CNKSR2: variants seen among roughly 807,000 people sequenced by gnomAD.
CNKSR2 encodes connector enhancer of kinase suppressor of Ras 2, also known as CNK homolog protein 2.
Under a neutral mutation model 84.4 loss-of-function variants are expected in CNKSR2, and 14 were observed. The ratio of observed to expected loss-of-function variants is 0.17; its 90% CI spans 0.11 to 0.26. The LOEUF (loss-of-function observed/expected upper bound fraction) is 0.26. Ranked by LOEUF, CNKSR2 falls within the 10% of genes least tolerant of loss-of-function variation. The pLI is 1.00. For missense variants in CNKSR2, 485 were observed against 771.2 expected, an observed-to-expected ratio of 0.63 and a Z score of 4.40; for synonymous variants, 275 against 277.9, an observed-to-expected ratio of 0.99 and a Z score of 0.10.
At position 21,653,735 on chromosome X, in the gene CNKSR2, T is replaced by A. The variant is rs2092725871; in HGVS notation, c.*1214T>A. On this transcript the variant is annotated 3_prime_UTR_variant, in exon 22 of 22. Coordinates refer to ENST00000379510, the MANE Select transcript of CNKSR2 (RefSeq NM_014927.5). ...AGTCCTCTTCATATATTTCCATTTA[T>A]AAGCGTCTTGTTTTTGAAAGTGATC... is the stretch of plus-strand genomic sequence containing the variant. The A allele has an allele frequency of 9.0e-6, 1 of 111,214 alleles. No individual in the cohort carries two copies. Among genetic ancestry groups the A allele is most frequent in the South Asian group, 3.8e-4 (1 of 2,639 alleles). The allele number at this position is 111,214 out of a possible 1,213,427, so 9.2% of individuals were successfully genotyped here. A position where few individuals can be genotyped will look rare whatever the true frequency, so the allele number is the denominator to read the frequency against.
rs146846967 is a variant in CNKSR2 at position 21,387,855 on chromosome X, C to T, written c.64+12894C>T. On this transcript the variant is annotated intron_variant, in intron 1 of 21. Coordinates refer to ENST00000379510, the MANE Select transcript of CNKSR2 (RefSeq NM_014927.5). ...AAAATAATATGGGTTTCTATATGTA[C>T]ATACTCAGTATGACTATACAAGAAG... Among the ~76,000 whole-genome samples the T allele has an allele frequency of 7.2e-5, 8 of 111,375 alleles. No individual in the cohort carries two copies. In the East Asian group the frequency reaches 2.2e-3, roughly 31 times the overall value.
chrX:21,526,335 G>C (rs920762366), intron 9 of CNKSR2, among the ~76,000 whole-genome samples: 1 of 110,940 alleles, frequency 9.0e-6, no homozygotes, highest in African/African-American at 3.3e-5. Context: ...TCTCGTATTG[G>C]CCTTTCATAC....
At position 21,409,201 on chromosome X, in the gene CNKSR2, G is replaced by A. The variant is rs192515232; in HGVS notation, c.65-17296G>A. 2.9e-3 allele frequency among the ~76,000 whole-genome samples: 219 copies of A among 75,593 alleles called. 4 individuals are homozygous for A. The highest frequency in any genetic ancestry group is 4.9e-3 in the Non-Finnish European group (188 of 38,611). The allele number at this position is 75,593 out of a possible 115,157, so 65.6% of individuals were successfully genotyped here. A position where few individuals can be genotyped will look rare whatever the true frequency, so the allele number is the denominator to read the frequency against. ...TTTGTGAATGATCTTTTAAATAAAA[G>A]AAAACCTTACATAAAAAATGAAAAA... On this transcript the variant is annotated intron_variant, in intron 1 of 21. Coordinates refer to ENST00000379510, the MANE Select transcript of CNKSR2 (RefSeq NM_014927.5).
At chrX:21,596,381 C>A (rs1371544665) in intron 17 of CNKSR2, among the ~76,000 whole-genome samples, 2 of 111,359 alleles carry the variant, frequency 1.8e-5, no homozygotes, top group Non-Finnish European at 3.8e-5. Flanking sequence ...TAAGACTGAC[C>A]CCTATCAGTA....
At chrX:21,632,996 C>CAT (rs1412041430) in intron 20 of CNKSR2, among the ~76,000 whole-genome samples, 4 of 106,940 alleles carry the variant, frequency 3.7e-5, no homozygotes, top group African/African-American at 1.4e-4. Context: ...AATATACACA[C>CAT]ACACACACAC....
chrX:21,378,335 A>G (rs2089849759), intron 1 of CNKSR2, among the ~76,000 whole-genome samples: 1 of 112,134 alleles, frequency 8.9e-6, no homozygotes, highest in Admixed American at 9.4e-5. Flanking sequence ...TGTAGTTTTT[A>G]TATTTTAAAA....
chrX:21,393,183 T>C (rs771667520), intron 1 of CNKSR2, among the ~76,000 whole-genome samples: 11 of 112,567 alleles, frequency 9.8e-5, no homozygotes, highest in African/African-American at 3.5e-4. Flanking sequence ...GTCTTAAAAG[T>C]GTTGCCCTGA....
intron 4 of CNKSR2, among the ~76,000 whole-genome samples, chrX:21,445,651 T>A (rs766295490): frequency 4.7e-4 from 53 of 111,849 alleles, no homozygotes; most frequent in African/African-American, 1.6e-3. Flanking sequence ...TCTCTACTTC[T>A]ATGAGCTCAA....
At chrX:21,423,178 TACAA>T (rs1223922062) in intron 1 of CNKSR2, 1 of 111,560 alleles carries the variant, frequency 9.0e-6, no homozygotes, top group Admixed American at 9.6e-5. Context: ...TTTGGTATGG[TACAA>T]ACAAACAGTC....
intron 1 of CNKSR2, among the ~76,000 whole-genome samples, chrX:21,383,491 T>C (rs1407630349): frequency 8.9e-6 from 1 of 112,297 alleles, no homozygotes; most frequent in Non-Finnish European, 1.9e-5. Flanking sequence ...CACCAATATA[T>C]GATAGTTTGT....
intron 4 of CNKSR2, among the ~76,000 whole-genome samples, chrX:21,461,620 T>G (rs904984002): frequency 8.9e-6 from 1 of 112,522 alleles, no homozygotes; most frequent in African/African-American, 3.2e-5. Flanking sequence ...AAGACCAATG[T>G]CATGGAGAGT....
In CNKSR2 at chrX:21,433,653, T is replaced by TACACAC. The variant is rs56377458; in HGVS notation, c.431+876_431+881dup. ...TCAGTAGGATATTCATATGTGTTCC[T>TACACAC]ACACACACACACACACACACACACA... is the stretch of plus-strand genomic sequence containing the variant. On this transcript the variant is annotated intron_variant, in intron 3 of 21. Coordinates refer to ENST00000379510, the MANE Select transcript of CNKSR2 (RefSeq NM_014927.5). 9.5e-3 allele frequency among the ~76,000 whole-genome samples: 834 copies of TACACAC among 87,545 alleles called. 4 individuals are homozygous for TACACAC. Among genetic ancestry groups the TACACAC allele is most frequent in the Middle Eastern group, 0.017 (3 of 174 alleles). 76.0% of individuals were successfully genotyped at this position (87,545 alleles called of 115,157 possible). A position where few individuals can be genotyped will look rare whatever the true frequency, so the allele number is the denominator to read the frequency against.
chrX:21,401,305 T>C (rs1397578108), intron 1 of CNKSR2, among the ~76,000 whole-genome samples: 1 of 111,457 alleles, frequency 9.0e-6, no homozygotes, highest in Non-Finnish European at 1.9e-5. Flanking sequence ...TGTTATGTGG[T>C]TAAAAAAAAT....
At chrX:21,587,073 GAAT>G (rs1415838133) in intron 13 of CNKSR2, among the ~76,000 whole-genome samples, 1 of 111,912 alleles carries the variant, frequency 8.9e-6, no homozygotes, top group East Asian at 2.8e-4. Context: ...TGAAACTGCA[GAAT>G]ATTAGGGATA....
intron 9 of CNKSR2, among the ~76,000 whole-genome samples, chrX:21,524,718 C>T (rs149129813): frequency 2.7e-5 from 3 of 110,450 alleles, no homozygotes; most frequent in Non-Finnish European, 5.7e-5. Context: ...GAAAAATTAT[C>T]TTTAGTTCTG....
At chrX:21,553,170 A>C (rs1044831183) in intron 11 of CNKSR2, among the ~76,000 whole-genome samples, 4 of 111,483 alleles carry the variant, frequency 3.6e-5, no homozygotes, top group Admixed American at 9.5e-5. Flanking sequence ...ACAAAAAAAA[A>C]CTAATCATAC....
intron 1 of CNKSR2, among the ~76,000 whole-genome samples, chrX:21,412,291 G>A (rs775451711): frequency 8.9e-6 from 1 of 111,910 alleles, no homozygotes; most frequent in East Asian, 2.8e-4. Flanking sequence ...CTTGCCCGTG[G>A]GCAAGTCCTC....
intron 1 of CNKSR2, among the ~76,000 whole-genome samples, chrX:21,396,188 A>G (rs2146976136): frequency 9.0e-6 from 1 of 111,635 alleles, no homozygotes. Flanking sequence ...GTAATATACA[A>G]AAAGTTTCAG....
chrX:21,565,371 G>A (rs143872290), intron 13 of CNKSR2, among the ~76,000 whole-genome samples: 5,054 of 111,374 alleles, frequency 0.045, 108 homozygotes, highest in Non-Finnish European at 0.063. Flanking sequence ...GGAATATTGC[G>A]AATATTTTTG....
Sources: allele counts gnomAD v4.1 joint callset (sites outside exome capture counted in the v4.1 genomes callset), GRCh38; gene constraint gnomAD v4.1.1; transcripts MANE v1.5; gene names NCBI Gene and HGNC (gene_info 2026-07-23, HGNC 2026-07-21).